Variants in LAMC2 observed in about 807,000 individuals in gnomAD.
LAMC2 encodes laminin subunit gamma-2.
A neutral mutation model predicts 140.2 loss-of-function variants in LAMC2; 97 were observed. That is an observed-to-expected ratio of 0.69 (90% CI 0.59 to 0.82). The LOEUF (loss-of-function observed/expected upper bound fraction) is 0.82, where lower values mean the gene tolerates loss of function less well. LAMC2 is among the 40% of genes least tolerant of loss of function. The pLI is 0.00. For synonymous variants in LAMC2, 513 were observed against 540.2 expected, an observed-to-expected ratio of 0.95 and a Z score of 0.70; for missense variants, 1,402 against 1,476.1, an observed-to-expected ratio of 0.95 and a Z score of 0.82.
chr1:183,229,463 C>A (rs1257571874), intron 11 of LAMC2, among the ~76,000 whole-genome samples: 4 of 151,868 alleles, frequency 2.6e-5, no homozygotes, highest in Non-Finnish European at 5.9e-5. Flanking sequence ...ATGGTGAAAC[C>A]CCATCTCTAC....
intron 1 of LAMC2, among the ~76,000 whole-genome samples, chr1:183,198,152 T>A (rs1239524712): frequency 6.8e-6 from 1 of 146,986 alleles, no homozygotes; most frequent in Non-Finnish European, 1.5e-5. Context: ...TTTTTTTTTT[T>A]TTTTAATTGA....
At chr1:183,256,276 G>A in the LAMC2 span, among the ~76,000 whole-genome samples, 285 of 152,090 alleles carry the variant, frequency 1.9e-3, 1 homozygote, top group African/African-American at 6.0e-3. Flanking sequence ...GGGCATGGTA[G>A]TGTGTGCCTG....
At chr1:183,249,869 T>G (rs1660329585), downstream of LAMC2, 1 of 152,162 alleles carries the variant, frequency 6.6e-6, no homozygotes, top group African/African-American at 2.4e-5. Context: ...CCCCACTTCA[T>G]TCCTAGAAAT....
chr1:183,215,909 T>A (rs1279629721), intron 3 of LAMC2, among the ~76,000 whole-genome samples: 1 of 152,194 alleles, frequency 6.6e-6, no homozygotes, highest in African/African-American at 2.4e-5. Flanking sequence ...TCCCTCTAGA[T>A]GAACTGGAAG....
intron 2 of LAMC2, among the ~76,000 whole-genome samples, chr1:183,213,299 G>C (rs1571516149): frequency 6.6e-6 from 1 of 152,184 alleles, no homozygotes; most frequent in African/African-American, 2.4e-5. Context: ...GATGTTCATA[G>C]ACTCAAACTG....
chr1:183,213,864 G>C (rs1478750674), intron 2 of LAMC2, among the ~76,000 whole-genome samples: 1 of 151,500 alleles, frequency 6.6e-6, no homozygotes, highest in Non-Finnish European at 1.5e-5. Flanking sequence ...TTGGGAGTTC[G>C]AGACCAGCCT....
chr1:183,234,876 G>C (rs976320832), intron 15 of LAMC2, among the ~76,000 whole-genome samples: 1 of 152,106 alleles, frequency 6.6e-6, no homozygotes, highest in African/African-American at 2.4e-5. Flanking sequence ...CCTGAAAACC[G>C]GCTCTGCAGG....
At chr1:183,211,982 G>A (rs1659083847) in intron 2 of LAMC2, among the ~76,000 whole-genome samples, 1 of 151,914 alleles carries the variant, frequency 6.6e-6, no homozygotes, top group Non-Finnish European at 1.5e-5. Context: ...AGTTCATGAT[G>A]TGGGAATTGG....
At chr1:183,237,164 C>G (rs995180282) in intron 17 of LAMC2, among the ~76,000 whole-genome samples, 188 bp from the exon 18 acceptor site, 2 of 152,240 alleles carry the variant, frequency 1.3e-5, no homozygotes, top group Middle Eastern at 3.4e-3. Flanking sequence ...ATTGAGGGGA[C>G]CTGCTGCCTT....
chr1:183,198,191 G>C (rs1276204583), intron 1 of LAMC2, among the ~76,000 whole-genome samples: 2 of 149,296 alleles, frequency 1.3e-5, no homozygotes, highest in Non-Finnish European at 3.0e-5. Flanking sequence ...CGCCAGGCTG[G>C]AGTGCAGTTT....
intron 22 of LAMC2, chr1:183,240,852 T>C: frequency 4.7e-6 from 1 of 211,060 alleles, no homozygotes; most frequent in Non-Finnish European, 8.6e-6. Context: ...CTTAAGATAT[T>C]GTTGAAATAA....
the LAMC2 span, among the ~76,000 whole-genome samples, chr1:183,258,941 G>A: frequency 1.3e-5 from 2 of 152,150 alleles, no homozygotes; most frequent in Admixed American, 6.5e-5. Context: ...AGACTGATTT[G>A]ATAACAATAA....
In LAMC2 at chr1:183,223,189, A is replaced by G; in HGVS notation, c.818A>G (p.Tyr273Cys). ...VSYGQSLSFD[Y>C]RVDRGGRHPS... ...TATGGTCAAAGCCTGTCCTTTGACT[A>G]CCGTGTGGACAGAGGAGGCAGACAC... The change falls in exon 7 of 23, where the codon TAC becomes TGC. Residue 273 changes from tyrosine to cysteine, a missense_variant. By Grantham distance (194) the Tyr-to-Cys change is radical. This residue lies in a region of LAMC2 where 723 missense variants were observed against 783.3 expected (regional missense o/e 0.92). Coordinates refer to ENST00000264144, the MANE Select transcript of LAMC2 (RefSeq NM_005562.3). The G allele has an allele frequency of 6.2e-7, 1 of 1,614,224 alleles. No homozygotes were observed. The highest frequency in any genetic ancestry group is 1.3e-5 in the African/African-American group (1 of 75,058).
chr1:183,240,369 A>G lies in LAMC2; in HGVS notation c.3306A>G (p.Leu1102=). ...GVTIQDTLNT[L]DGLLHLMDQP... ...CAATCCAAGACACACTCAACACATTAGACGGCCTCCTGCATCTGATGGGTA... is the reference window on the plus strand; with the variant it reads ...CAATCCAAGACACACTCAACACATTGGACGGCCTCCTGCATCTGATGGGTA... The change falls in exon 22 of 23, where the codon TTA becomes TTG. Residue 1102 remains leucine, a synonymous_variant. Transcript: ENST00000264144. The G allele has an allele frequency of 6.2e-7, 1 of 1,614,242 alleles. No homozygotes were observed. Among genetic ancestry groups the G allele is most frequent in the Non-Finnish European group, 8.5e-7 (1 of 1,180,030 alleles).
chr1:183,249,677 T>C (rs1406781684), downstream of LAMC2: 1 of 112,414 alleles, frequency 8.9e-6, no homozygotes, highest in East Asian at 2.4e-4. Flanking sequence ...AAATGAAGAG[T>C]AGGGCGTGTG....
intron 1 of LAMC2, among the ~76,000 whole-genome samples, chr1:183,205,172 A>T (rs1024334167): frequency 6.6e-6 from 1 of 152,168 alleles, no homozygotes; most frequent in Non-Finnish European, 1.5e-5. Context: ...TTATTTTGAG[A>T]TTGCTTCCAA....
intron 2 of LAMC2, 147 bp downstream of exon 2, chr1:183,208,216 T>C: frequency 9.4e-6 from 7 of 742,526 alleles, no homozygotes; most frequent in Non-Finnish European, 9.3e-6. Flanking sequence ...GAGGGAGATG[T>C]TCAACCTCAC....
At chr1:183,250,920 C>A in the LAMC2 span, 1 of 152,464 alleles carries the variant, frequency 6.6e-6, no homozygotes, top group Non-Finnish European at 1.5e-5. Flanking sequence ...CCCTTTCTGG[C>A]CGTAGCTGGT....
intron 1 of LAMC2, among the ~76,000 whole-genome samples, chr1:183,198,247 T>C (rs182970818): frequency 1.5e-3 from 225 of 151,778 alleles, no homozygotes; most frequent in Non-Finnish European, 2.3e-3. Context: ...GTTCAAGTGA[T>C]TCCCCTGCCT....
Sources: gnomAD v4.1 joint callset for allele counts (sites outside exome capture counted in the v4.1 genomes callset) on GRCh38, gnomAD v4.1.1 for gene constraint, gnomAD v4.1.1 regional missense constraint, MANE v1.5 for transcripts, NCBI Gene and HGNC (gene_info 2026-07-23, HGNC 2026-07-21) for gene names.